FHIT: variants seen among roughly 807,000 people sequenced by gnomAD.
The protein encoded by FHIT is bis(5'-adenosyl)-triphosphatase.
A neutral mutation model predicts 17.9 loss-of-function variants in FHIT; 19 were observed. The ratio of observed to expected loss-of-function variants is 1.06; its 90% CI spans 0.74 to 1.56. The LOEUF (loss-of-function observed/expected upper bound fraction) is 1.56. FHIT is among the 40% of genes most tolerant of loss of function. FHIT has a pLI of 0.00. For missense variants in FHIT, 248 were observed against 189.2 expected, an observed-to-expected ratio of 1.31 and a Z score of -1.82; for synonymous variants, 81 against 69.7, an observed-to-expected ratio of 1.16 and a Z score of -0.81.
At chr3:60,888,237 C>T (rs1705324496) in intron 3 of FHIT, among the ~76,000 whole-genome samples, 1 of 152,190 alleles carries the variant, frequency 6.6e-6, no homozygotes, top group African/African-American at 2.4e-5. Flanking sequence ...TGCTAAAGCA[C>T]CGCATTTTCT....
chr3:60,784,363 G>C (rs1187435540), intron 4 of FHIT, among the ~76,000 whole-genome samples: 6 of 148,122 alleles, frequency 4.1e-5, no homozygotes, highest in African/African-American at 1.5e-4. Context: ...TTGAGATGGA[G>C]TCTCACTCTG....
At chr3:61,069,064 C>T (rs772038102) in intron 2 of FHIT, among the ~76,000 whole-genome samples, 4 of 152,094 alleles carry the variant, frequency 2.6e-5, no homozygotes, top group Non-Finnish European at 4.4e-5. Flanking sequence ...ATAGAGAATT[C>T]TACTAGAATT....
At chr3:60,876,533 G>C (rs1460427418) in intron 3 of FHIT, among the ~76,000 whole-genome samples, 1 of 152,160 alleles carries the variant, frequency 6.6e-6, no homozygotes, top group Non-Finnish European at 1.5e-5. Flanking sequence ...AGTATTCGAA[G>C]TGTTTACAAA....
intron 5 of FHIT, among the ~76,000 whole-genome samples, chr3:60,474,625 A>T (rs989234476): frequency 2.7e-5 from 4 of 150,818 alleles, no homozygotes; most frequent in African/African-American, 9.9e-5. Context: ...AACACAATAC[A>T]ATTTTTTTTT....
intron 4 of FHIT, among the ~76,000 whole-genome samples, chr3:60,575,915 C>G: frequency 6.6e-6 from 1 of 152,226 alleles, no homozygotes; most frequent in East Asian, 1.9e-4. Context: ...TTACTCAAAG[C>G]CACTGGCAGC....
chr3:60,788,923 T>G lies in FHIT; in HGVS notation c.-18+32996A>C, dbSNP rs532255262. On this transcript the variant is annotated intron_variant, in intron 4 of 9. Transcript: ENST00000492590. ...GGCTAAAATTGAAACTAAAATGCTT[T>G]GCATTTCAGCCACCACCAACAGGGA... Among the ~76,000 whole-genome samples, 162 of 152,090 alleles carry G rather than the reference T, an allele frequency of 1.1e-3. 2 individuals carry two copies.
chr3:60,767,884 T>C (rs1699908199), intron 4 of FHIT, among the ~76,000 whole-genome samples: 1 of 152,204 alleles, frequency 6.6e-6, no homozygotes, highest in Non-Finnish European at 1.5e-5. Context: ...TTACATTGGG[T>C]GCACTCAGCA....
At chr3:60,131,390 C>T (rs755626375) in intron 5 of FHIT, among the ~76,000 whole-genome samples, 2 of 152,020 alleles carry the variant, frequency 1.3e-5, no homozygotes, top group Non-Finnish European at 2.9e-5. Context: ...TTCACACACG[C>T]AGAGCCCATG....
intron 5 of FHIT, among the ~76,000 whole-genome samples, chr3:60,482,034 T>C (rs992312914): frequency 1.3e-5 from 2 of 152,100 alleles, no homozygotes; most frequent in Non-Finnish European, 2.9e-5. Flanking sequence ...TCCTAGTCTC[T>C]GACAAAACAA....
intron 5 of FHIT, among the ~76,000 whole-genome samples, chr3:60,527,989 T>G (rs967234290): frequency 6.6e-6 from 1 of 152,220 alleles, no homozygotes; most frequent in Admixed American, 6.5e-5. Context: ...ACAATTTTTG[T>G]TTCAGAAAGG....
At chr3:60,371,390 G>A (rs2107059431) in intron 5 of FHIT, among the ~76,000 whole-genome samples, 1 of 151,190 alleles carries the variant, frequency 6.6e-6, no homozygotes, top group East Asian at 1.9e-4. Flanking sequence ...GATGGGGTCT[G>A]GGCTGGAGTG....
chr3:60,074,178 A>C (rs1011974773), intron 5 of FHIT, among the ~76,000 whole-genome samples: 3 of 152,074 alleles, frequency 2.0e-5, no homozygotes, highest in African/African-American at 7.2e-5. Context: ...CAGACACAAG[A>C]ATCAGAGTAA....
rs2042308964 is a variant in FHIT at position 60,744,271 on chromosome 3, A to AAAAAAAAC, written c.-18+77647_-18+77648insGTTTTTTT. 2.6e-3 allele frequency among the ~76,000 whole-genome samples: 137 copies of AAAAAAAAC among 52,100 alleles called. 1 individual carries two copies. Among genetic ancestry groups the AAAAAAAAC allele is most frequent in the African/African-American group, 0.012 (104 of 8,778 alleles). The allele number at this position is 52,100 out of a possible 152,430, so 34.2% of individuals were successfully genotyped here. On this transcript the variant is annotated intron_variant, in intron 4 of 9. Coordinates refer to ENST00000492590, the MANE Select transcript of FHIT (RefSeq NM_002012.4). ...TAAAAAAAAAAACAAAACAAAACAA[A>AAAAAAAAC]AAAAAAAAAAAACAGAAAGAAAAGA... is the stretch of plus-strand genomic sequence containing the variant.
intron 5 of FHIT, among the ~76,000 whole-genome samples, chr3:60,043,326 T>C (rs532214568): frequency 6.6e-6 from 1 of 152,360 alleles, no homozygotes; most frequent in East Asian, 1.9e-4. Context: ...TGACAAACTA[T>C]TCTTCTTGCC....
chr3:61,045,674 A>G (rs1256669250), intron 2 of FHIT, among the ~76,000 whole-genome samples: 1 of 152,198 alleles, frequency 6.6e-6, no homozygotes, highest in African/African-American at 2.4e-5. Context: ...ACCCCAAATC[A>G]ACAAAATATA....
chr3:60,614,936 T>C (rs2107739506), intron 4 of FHIT, among the ~76,000 whole-genome samples: 1 of 146,956 alleles, frequency 6.8e-6, no homozygotes, highest in Non-Finnish European at 1.5e-5. Flanking sequence ...TTCAAGCAAT[T>C]CTCCTGCCTC....
intron 7 of FHIT, among the ~76,000 whole-genome samples, chr3:59,939,876 T>C (rs1406236688): frequency 6.6e-6 from 1 of 152,170 alleles, no homozygotes; most frequent in Non-Finnish European, 1.5e-5. Context: ...AGACATCCTC[T>C]AGCTGGCATG....
At chr3:60,750,302 G>A (rs1553716473) in intron 4 of FHIT, among the ~76,000 whole-genome samples, 1 of 152,118 alleles carries the variant, frequency 6.6e-6, no homozygotes, top group African/African-American at 2.4e-5. Context: ...ATTTTGTGCT[G>A]CTTTGACATA....
chr3:60,479,127 C>T (rs145050871), intron 5 of FHIT, among the ~76,000 whole-genome samples: 314 of 152,262 alleles, frequency 2.1e-3, no homozygotes, highest in African/African-American at 6.9e-3. Context: ...ATGGTTCAGA[C>T]GTGCCTTTCT....
Sources: gnomAD v4.1 joint callset for allele counts (sites outside exome capture counted in the v4.1 genomes callset) on GRCh38, gnomAD v4.1.1 for gene constraint, MANE v1.5 for transcripts, NCBI Gene and HGNC (gene_info 2026-07-23, HGNC 2026-07-21) for gene names.